The following NAV2 variants were observed in gnomAD, a reference collection of about 807,000 sequenced individuals.
The protein encoded by NAV2 is helicase, APC down-regulated 1.
In NAV2, 54 loss-of-function variants were observed where a neutral mutation model predicts 223.2. The ratio of observed to expected loss-of-function variants is 0.24; its 90% CI spans 0.19 to 0.30. NAV2 has a LOEUF of 0.30. Ranked by LOEUF, NAV2 falls within the 10% of genes least tolerant of loss-of-function variation. NAV2 has a pLI of 1.00. For synonymous variants in NAV2, 1,279 were observed against 1,239.3 expected, an observed-to-expected ratio of 1.03 and a Z score of -0.67; for missense variants, 2,806 against 3,147.5, an observed-to-expected ratio of 0.89 and a Z score of 2.60.
chr11:19,940,907 T>C (rs912776494), intron 8 of NAV2, among the ~76,000 whole-genome samples: 35 of 152,180 alleles, frequency 2.3e-4, no homozygotes, highest in African/African-American at 8.4e-4. Context: ...TATGAGTACA[T>C]GGATAGCACG....
At chr11:19,888,804 C>G (rs936555464) in intron 5 of NAV2, among the ~76,000 whole-genome samples, 1 of 152,236 alleles carries the variant, frequency 6.6e-6, no homozygotes, top group Admixed American at 6.5e-5. Context: ...CTTTCCCATC[C>G]CCTACTCACA....
At position 20,097,594 on chromosome 11, in the gene NAV2, C is replaced by A. The variant is rs752631285; in HGVS notation, c.6030C>A (p.Val2010=). 1.9e-6 allele frequency: 3 copies of A among 1,596,848 alleles called. No individual in the cohort carries two copies. In the Admixed American group the frequency reaches 5.5e-5, roughly 29 times the overall value. Residue 2010 remains valine (V), a synonymous_variant, in exon 31 of 38, where the codon GTC becomes GTA. Transcript: ENST00000349880. ...RRLFKEYIIH[V]DPVSQLGLNS... The stretch of plus-strand genomic sequence containing the variant: ...TTTTCCAGGAATACATCATTCATGT[C>A]GACCCAGTGAGTCAGCTAGGGCTGA...
At chr11:19,421,846 G>A (rs1850626432) in intron 1 of NAV2, among the ~76,000 whole-genome samples, 1 of 136,586 alleles carries the variant, frequency 7.3e-6, no homozygotes, top group Non-Finnish European at 1.5e-5. Flanking sequence ...TACAAATGAA[G>A]GAGCAGAGCC....
Position 20,045,166 on chromosome 11 carries a change from C to T in NAV2, c.3398C>T (p.Ala1133Val). The change falls in exon 14 of 38, where the codon GCC (alanine) becomes GTC (valine). Residue 1133 changes from alanine to valine, a missense_variant. Physicochemically the swap from Ala to Val is moderately conservative, Grantham distance 64. Transcript: ENST00000349880. ...KKQSGSAAGL[A>V]MITASGVTVT... ...CAGAGTGGTTCCGCCGCCGGCCTGG[C>T]CATGATCACAGCCAGCGGGGTGACT... 6.2e-7 allele frequency: 1 copy of T among 1,614,152 alleles called. No homozygotes were observed. The highest frequency in any genetic ancestry group is 8.5e-7 in the Non-Finnish European group (1 of 1,180,014).
At chr11:19,761,790 C>G (rs2054767974) in intron 1 of NAV2, among the ~76,000 whole-genome samples, 1 of 152,244 alleles carries the variant, frequency 6.6e-6, no homozygotes, top group Non-Finnish European at 1.5e-5. Context: ...CCACATTTAA[C>G]CTACCATTGA....
chr11:20,121,079 T>G lies in NAV2; in HGVS notation c.*2821T>G, dbSNP rs1426986560. Reference sequence around the variant, plus strand: ...GTGGGAGTGGGACAGGAACAAGACTTGCCTAGATCTTTGTTGTATCTTGGG... The same window carrying G: ...GTGGGAGTGGGACAGGAACAAGACTGGCCTAGATCTTTGTTGTATCTTGGG... On this transcript the variant is annotated 3_prime_UTR_variant, in exon 38 of 38. Coordinates refer to ENST00000349880, the MANE Select transcript of NAV2 (RefSeq NM_145117.5). 6.6e-6 allele frequency: 1 copy of G among 152,404 alleles called. No homozygotes were observed. The highest frequency in any genetic ancestry group is 1.5e-5 in the Non-Finnish European group (1 of 68,040). 9.4% of individuals were successfully genotyped at this position (152,404 alleles called of 1,614,324 possible). A position where few individuals can be genotyped will look rare whatever the true frequency, so the allele number is the denominator to read the frequency against.
At chr11:19,449,571 T>A (rs12269849) in intron 1 of NAV2, among the ~76,000 whole-genome samples, 29,661 of 136,666 alleles carry the variant, frequency 0.22, 3,580 homozygotes, top group Non-Finnish European at 0.28. Flanking sequence ...GCCCCCACCT[T>A]GCACCTGACT....
At chr11:19,538,817 C>T (rs1228939290) in intron 1 of NAV2, among the ~76,000 whole-genome samples, 1 of 151,906 alleles carries the variant, frequency 6.6e-6, no homozygotes, top group Non-Finnish European at 1.5e-5. Context: ...TTTGTGTACC[C>T]TTTACCCAGT....
At chr11:19,889,263 G>A (rs2041287750) in intron 5 of NAV2, among the ~76,000 whole-genome samples, 2 of 152,206 alleles carry the variant, frequency 1.3e-5, no homozygotes, top group African/African-American at 4.8e-5. Flanking sequence ...GCCTTTGTTT[G>A]TGAACCAAAT....
rs537935832 is a variant in NAV2, at chr11:19,373,764, G to A, written c.75+22737G>A. On this transcript the variant is annotated intron_variant, in intron 1 of 37. Transcript: ENST00000360655. ...CAAAAGCATTATCTTCATGATTGTCGCTATAGCCCTGAACCTAGAATGTGG... is the reference window on the plus strand; with the variant it reads ...CAAAAGCATTATCTTCATGATTGTCACTATAGCCCTGAACCTAGAATGTGG... Among the ~76,000 whole-genome samples, 122 of 152,250 alleles carry A rather than the reference G, an allele frequency of 8.0e-4. 1 individual carries two copies. Among genetic ancestry groups the A allele is most frequent in the African/African-American group, 2.7e-3 (113 of 41,544 alleles).
rs1474383154 is a variant in NAV2, at chr11:19,799,787, C to T, written c.268-32697C>T. On this transcript the variant is annotated intron_variant, in intron 1 of 37. Coordinates refer to ENST00000349880, the MANE Select transcript of NAV2 (RefSeq NM_145117.5). ...GGGTGCTTTTCGGAACCCACCACCC[C>T]CCACACCTGCCCTGTTCTTTCCTTT... 2.6e-5 allele frequency among the ~76,000 whole-genome samples: 4 copies of T among 152,254 alleles called. No homozygotes were observed. In the South Asian group the frequency reaches 8.3e-4, roughly 32 times the overall value.
intron 1 of NAV2, among the ~76,000 whole-genome samples, chr11:19,571,718 A>C (rs1462139438): frequency 2.0e-5 from 3 of 152,166 alleles, no homozygotes; most frequent in African/African-American, 4.8e-5. Context: ...AAAAAGAAAA[A>C]AAAAAAAGAA....
rs1025760331 is a variant in NAV2, at chr11:20,045,339, C to G, written c.3571C>G (p.Arg1191Gly). 2 of 1,614,086 alleles carry G rather than the reference C, an allele frequency of 1.2e-6. No homozygotes were observed. The highest frequency in any genetic ancestry group is 1.7e-6 in the Non-Finnish European group (2 of 1,180,006). The change falls in exon 14 of 38, where the codon CGG becomes GGG. Residue 1191 changes from arginine to glycine, a missense_variant. Arg to Gly is a moderately radical substitution (Grantham distance 125). Coordinates refer to ENST00000349880, the MANE Select transcript of NAV2 (RefSeq NM_145117.5). ...ALSSRTNLQY[R>G]SLPRPSKSNS... Reference sequence around the variant, plus strand: ...AAGCTCCCGGACAAACCTTCAGTACCGGAGTTTGCCGAGGCCCAGTAAGTC... The same window carrying G: ...AAGCTCCCGGACAAACCTTCAGTACGGGAGTTTGCCGAGGCCCAGTAAGTC...
chr11:19,476,380 T>C (rs1051809450), intron 1 of NAV2, among the ~76,000 whole-genome samples: 10 of 152,104 alleles, frequency 6.6e-5, no homozygotes, highest in East Asian at 5.8e-4. Flanking sequence ...CTTTTTTTTT[T>C]CCCCTATAGC....
chr11:19,772,369 G>A (rs1375156352), intron 1 of NAV2, among the ~76,000 whole-genome samples: 1 of 152,196 alleles, frequency 6.6e-6, no homozygotes, highest in Non-Finnish European at 1.5e-5. Flanking sequence ...TGGCTTTCAA[G>A]TCAGATGAAG....
intron 1 of NAV2, among the ~76,000 whole-genome samples, chr11:19,535,044 A>C (rs1048385254): frequency 6.6e-6 from 1 of 152,178 alleles, no homozygotes; most frequent in African/African-American, 2.4e-5. Context: ...AATCATTGCT[A>C]TTCCTGTTGA....
intron 1 of NAV2, among the ~76,000 whole-genome samples, chr11:19,623,029 A>T (rs2047051118): frequency 6.6e-6 from 1 of 152,158 alleles, no homozygotes; most frequent in South Asian, 2.1e-4. Flanking sequence ...TATGAAGCTT[A>T]GTTTGGCTGG....
chr11:19,761,509 G>A (rs2054729487), intron 1 of NAV2, among the ~76,000 whole-genome samples: 1 of 152,168 alleles, frequency 6.6e-6, no homozygotes, highest in South Asian at 2.1e-4. Context: ...GTAAAGACCA[G>A]AGAGCATGAT....
At position 20,120,687 on chromosome 11, in the gene NAV2, A is replaced by C. The variant is rs2063430626; in HGVS notation, c.*2429A>C. 1 of 152,392 alleles carries C rather than the reference A, an allele frequency of 6.6e-6. No individual in the cohort carries two copies. The highest frequency in any genetic ancestry group is 2.4e-5 in the African/African-American group (1 of 41,406). 9.4% of individuals were successfully genotyped at this position (152,392 alleles called of 1,614,324 possible). ...CCAGGTTCAGAACCAAGACTTCTGT[A>C]CCTAGTGCTGCCTGATTGGTGAACA... On this transcript the variant is annotated 3_prime_UTR_variant, in exon 38 of 38. Transcript: ENST00000349880.
Sources: gnomAD v4.1 joint callset for allele counts (sites outside exome capture counted in the v4.1 genomes callset) on GRCh38, gnomAD v4.1.1 for gene constraint, MANE v1.5 for transcripts, NCBI Gene and HGNC (gene_info 2026-07-23, HGNC 2026-07-21) for gene names.